SERPINA5: variants seen among roughly 807,000 people sequenced by gnomAD.
SERPINA5 encodes the protein serpin family A member 5, also known as plasma serine protease inhibitor.
SERPINA5 carries 25 observed loss-of-function variants against 25.3 expected under a neutral mutation model. The ratio of observed to expected loss-of-function variants is 0.99; its 90% CI spans 0.72 to 1.38. The LOEUF is 1.38. SERPINA5 is among the 40% of genes most tolerant of loss of function. SERPINA5 has a pLI of 0.00. For synonymous variants in SERPINA5, 234 were observed against 206.2 expected (o/e 1.14, Z -1.16); for missense variants, 599 against 509.5 (o/e 1.18, Z -1.69).
Position 94,592,068 on chromosome 14 carries a change from AG to A in SERPINA5, c.1051del (p.Ala351LeufsTer27). 6.2e-7 allele frequency: 1 copy of A among 1,612,982 alleles called. No homozygotes were observed. Among genetic ancestry groups the A allele is most frequent in the Non-Finnish European group, 8.5e-7 (1 of 1,179,408 alleles). ...NIQVSEMVHK[A>X]VVEVDESGTR... is the part of the protein sequence containing the mutation. ...TGTCTCCCCTGCAGATGGTGCACAA[AG>A]CTGTGGTGGAGGTGGACGAGTCGGG... On this transcript the variant is annotated frameshift_variant, in exon 6 of 6. Transcript: ENST00000329597. LOFTEE classifies it low-confidence loss of function (END_TRUNC).
At chr14:94,591,496 A>ACTC (rs1478874626) in intron 5 of SERPINA5, among the ~76,000 whole-genome samples, 1 of 142,182 alleles carries the variant, frequency 7.0e-6, no homozygotes, top group Non-Finnish European at 1.5e-5. Flanking sequence ...TCTCCCCTCC[A>ACTC]CTCCATTCCA....
At chr14:94,584,533 G>C (rs746169367) in intron 2 of SERPINA5, among the ~76,000 whole-genome samples, 2 of 152,034 alleles carry the variant, frequency 1.3e-5, no homozygotes, top group Non-Finnish European at 2.9e-5. Flanking sequence ...CCTCCCCATC[G>C]GATCTCTAGT....
intron 2 of SERPINA5, among the ~76,000 whole-genome samples, chr14:94,586,095 C>G (rs1269203272): frequency 6.6e-6 from 1 of 152,092 alleles, no homozygotes; most frequent in African/African-American, 2.4e-5. Flanking sequence ...GACTTCTACC[C>G]GTAGCCAGAT....
intron 3 of SERPINA5, among the ~76,000 whole-genome samples, chr14:94,589,416 C>T (rs1885203622): frequency 1.3e-5 from 2 of 151,348 alleles, no homozygotes; most frequent in African/African-American, 4.9e-5. Flanking sequence ...CCACTGCACT[C>T]CAGCATGGGT....
At chr14:94,588,045 A>T (rs1885156853) in intron 3 of SERPINA5, 64 bp downstream of exon 3, 1 of 1,547,712 alleles carries the variant, frequency 6.5e-7, no homozygotes, top group Non-Finnish European at 8.7e-7. Context: ...TCTAAAGAAT[A>T]CCCAATTCCC....
intron 3 of SERPINA5, among the ~76,000 whole-genome samples, chr14:94,588,916 C>A (rs1191020711): frequency 6.6e-6 from 1 of 152,160 alleles, no homozygotes; most frequent in East Asian, 1.9e-4. Context: ...ACCCCCATGA[C>A]CTAATCAACT....
chr14:94,587,476 C>T lies in SERPINA5; in HGVS notation c.114C>T (p.Ala38=). 7 of 1,614,222 alleles carry T rather than the reference C, an allele frequency of 4.3e-6. No individual in the cohort carries two copies. The highest frequency in any genetic ancestry group is 5.9e-6 in the Non-Finnish European group (7 of 1,180,048). ...KKRVEDLHVG[A]TVAPSSRRDF... Reference sequence around the variant, plus strand: ...GAGTCGAGGACCTCCATGTAGGTGCCACGGTGGCCCCCAGCAGCAGAAGGG... The same window carrying T: ...GAGTCGAGGACCTCCATGTAGGTGCTACGGTGGCCCCCAGCAGCAGAAGGG... Residue 38 remains alanine, a synonymous_variant, in exon 3 of 6, where the codon GCC becomes GCT. Coordinates refer to ENST00000329597, the MANE Select transcript of SERPINA5 (RefSeq NM_000624.6).
chr14:94,589,592 C>G (rs1038674764), intron 3 of SERPINA5, among the ~76,000 whole-genome samples: 10 of 152,072 alleles, frequency 6.6e-5, no homozygotes, highest in Non-Finnish European at 1.3e-4. Context: ...ATGGGAAAAA[C>G]CATTCATTTC....
chr14:94,587,874 A>G lies in SERPINA5; in HGVS notation c.512A>G (p.Gln171Arg). Residue 171 changes from glutamine to arginine, a missense_variant, in exon 3 of 6, where the codon CAG becomes CGG. Coordinates refer to ENST00000329597, the MANE Select transcript of SERPINA5 (RefSeq NM_000624.6). ...NFRDSAGAMK[Q>R]INDYVAKQTK... ...AGGGACTCTGCAGGGGCCATGAAGC[A>G]GATCAATGATTATGTGGCAAAGCAA... is the stretch of plus-strand genomic sequence containing the variant. 1 of 1,614,256 alleles carries G rather than the reference A, an allele frequency of 6.2e-7. No individual in the cohort carries two copies. Among genetic ancestry groups the G allele is most frequent in the Non-Finnish European group, 8.5e-7 (1 of 1,180,054 alleles).
chr14:94,585,869 T>C (rs1278711307), intron 2 of SERPINA5, among the ~76,000 whole-genome samples: 1 of 151,674 alleles, frequency 6.6e-6, no homozygotes, highest in African/African-American at 2.4e-5. Flanking sequence ...TGCCAGAAAC[T>C]GCCATGCCTA....
chr14:94,587,887 T>C lies in SERPINA5; in HGVS notation c.525T>C (p.Tyr175=), dbSNP rs773294935. 41 of 1,614,108 alleles carry C rather than the reference T, an allele frequency of 2.5e-5. No individual in the cohort carries two copies. The highest frequency in any genetic ancestry group is 6.6e-5 in the South Asian group (6 of 91,088). ...SAGAMKQIND[Y]VAKQTKGKIV... ...GGGCCATGAAGCAGATCAATGATTA[T>C]GTGGCAAAGCAAACGAAGGGCAAGA... Residue 175 remains tyrosine (Y), a synonymous_variant, in exon 3 of 6, where the codon TAT becomes TAC. Transcript: ENST00000329597.
chr14:94,587,190 T>G (rs1267926189), intron 2 of SERPINA5, among the ~76,000 whole-genome samples, 156 bp from the exon 3 acceptor site: 2 of 152,150 alleles, frequency 1.3e-5, no homozygotes, highest in Non-Finnish European at 2.9e-5. Flanking sequence ...TGCCACCCTG[T>G]GTAAACCCTC....
intron 5 of SERPINA5, among the ~76,000 whole-genome samples, chr14:94,591,787 T>C (rs1056433474): frequency 6.6e-6 from 1 of 152,190 alleles, no homozygotes; most frequent in South Asian, 2.1e-4. Context: ...TACTTGACTC[T>C]CTGAGCTTCC....
intron 5 of SERPINA5, among the ~76,000 whole-genome samples, chr14:94,591,584 A>ATTCTATTCTATTCTATTCTATTC (rs1566839372): frequency 6.0e-5 from 9 of 149,824 alleles, no homozygotes; most frequent in African/African-American, 1.5e-4. Flanking sequence ...ATTCTATTCT[A>ATTCTATTCTATTCTATTCTATTC]TTCTATTCTA....
chr14:94,589,968 C>T, intron 3 of SERPINA5, 73 bp from the exon 4 acceptor site: 2 of 1,441,518 alleles, frequency 1.4e-6, no homozygotes, highest in South Asian at 2.8e-5. Context: ...GTCTTCACTC[C>T]TTTTATTTGC....
chr14:94,591,060 C>T (rs1484258510), intron 5 of SERPINA5, among the ~76,000 whole-genome samples, 164 bp downstream of exon 5: 1 of 128,208 alleles, frequency 7.8e-6, no homozygotes, highest in African/African-American at 2.9e-5. Flanking sequence ...CACTCCAGTT[C>T]ACTTTATTCA....
chr14:94,591,720 C>T (rs965692088), intron 5 of SERPINA5, among the ~76,000 whole-genome samples: 10 of 152,128 alleles, frequency 6.6e-5, no homozygotes, highest in Non-Finnish European at 1.2e-4. Flanking sequence ...TTAAGGAGTC[C>T]TGTTTTAAAC....
chr14:94,585,112 G>T (rs1051342597), intron 2 of SERPINA5, among the ~76,000 whole-genome samples: 3 of 152,178 alleles, frequency 2.0e-5, no homozygotes, highest in Non-Finnish European at 4.4e-5. Context: ...GCAGGACTCT[G>T]CAGAGTCAGA....
rs372671940 is a variant in SERPINA5 at position 94,586,951 on chromosome 14, C to T, written c.-17-395C>T. On this transcript the variant is annotated intron_variant, in intron 2 of 5. Transcript: ENST00000329597. ...CAAACCAGGACACCAGAGTGAAGGC[C>T]AGAAGCTCACATGGAAGCAGCTTAG... is the stretch of plus-strand genomic sequence containing the variant. 6.9e-4 allele frequency: 116 copies of T among 168,756 alleles called. 1 individual carries two copies. Among genetic ancestry groups the T allele is most frequent in the African/African-American group, 2.7e-3 (113 of 41,848 alleles). 10.5% of individuals were successfully genotyped at this position (168,756 alleles called of 1,614,324 possible).
Sources: gnomAD v4.1 joint callset for allele counts (sites outside exome capture counted in the v4.1 genomes callset) on GRCh38, gnomAD v4.1.1 for gene constraint, MANE v1.5 for transcripts, NCBI Gene and HGNC (gene_info 2026-07-23, HGNC 2026-07-21) for gene names.